KLF17: variants seen among roughly 807,000 people sequenced by gnomAD.
KLF17 encodes KLF transcription factor 17, also known as Krueppel-like factor 17.
Under a neutral mutation model 34.2 loss-of-function variants are expected in KLF17, and 31 were observed. That is an observed-to-expected ratio of 0.91 (90% CI 0.68 to 1.22). The LOEUF is 1.22. KLF17 is among the 50% of genes most tolerant of loss of function. The pLI is 0.00. For missense variants in KLF17, 478 were observed against 505.2 expected (o/e 0.95, Z 0.52); for synonymous variants, 179 against 186.7 (o/e 0.96, Z 0.34).
chr1:44,092,350 A>G, the KLF17 span, among the ~76,000 whole-genome samples: 1 of 152,158 alleles, frequency 6.6e-6, no homozygotes, highest in Non-Finnish European at 1.5e-5. Context: ...TCGTCTCAAA[A>G]AAAACTTGTA....
chr1:44,058,169 C>A, the KLF17 span, among the ~76,000 whole-genome samples: 1 of 152,226 alleles, frequency 6.6e-6, no homozygotes, highest in South Asian at 2.1e-4. Context: ...CTTCACCCCT[C>A]CTGGAGACCT....
chr1:44,100,720 A>G, the KLF17 span, among the ~76,000 whole-genome samples: 1 of 151,992 alleles, frequency 6.6e-6, no homozygotes, highest in Non-Finnish European at 1.5e-5. Flanking sequence ...CAGTGGCGCA[A>G]TCTCCACTCA....
In KLF17 at chr1:44,130,203, G is replaced by C. The variant is rs12739968; in HGVS notation, c.925+7G>C. 4.4e-6 allele frequency: 7 copies of C among 1,601,994 alleles called. 1 individual carries two copies. The highest frequency in any genetic ancestry group is 3.3e-4 in the Middle Eastern group (2 of 5,996). On this transcript the variant is annotated splice_region_variant and intron_variant, in intron 2 of 3. Transcript: ENST00000372299. ...CACCAGCGCAAGCACACAGGTGAAG[G>C]AGGTGTCAGGTGGGGTGGGGATGGA...
At chr1:44,095,050 G>A in the KLF17 span, among the ~76,000 whole-genome samples, 7 of 151,304 alleles carry the variant, frequency 4.6e-5, no homozygotes, top group Non-Finnish European at 8.8e-5. Context: ...ACAGGTGCCT[G>A]CTACCATACC....
chr1:44,080,717 T>TTC, the KLF17 span, among the ~76,000 whole-genome samples: 1 of 145,864 alleles, frequency 6.9e-6, no homozygotes, highest in East Asian at 2.1e-4. Context: ...TATTGAATTT[T>TTC]TTTTTTTTTT....
the KLF17 span, among the ~76,000 whole-genome samples, chr1:44,078,122 G>A: frequency 6.6e-6 from 1 of 152,200 alleles, no homozygotes. Flanking sequence ...TGATCAATCA[G>A]TTCCTTTATG....
the KLF17 span, chr1:44,106,342 T>G: frequency 1.3e-5 from 2 of 152,508 alleles, no homozygotes; most frequent in African/African-American, 4.8e-5. Context: ...CATATCGCTA[T>G]CTTCATTTCT....
chr1:44,127,696 C>T (rs199731734), intron 1 of KLF17, among the ~76,000 whole-genome samples: 1,009 of 36,270 alleles, frequency 0.028, 21 homozygotes, highest in East Asian at 0.062. Flanking sequence ...CTTTCTTTTT[C>T]TTTCTTTCTT....
chr1:44,047,033 A>G, the KLF17 span, among the ~76,000 whole-genome samples: 1 of 151,828 alleles, frequency 6.6e-6, no homozygotes, highest in Non-Finnish European at 1.5e-5. Context: ...TCTCAAAAAA[A>G]AAAAAAAAAA....
the KLF17 span, among the ~76,000 whole-genome samples, chr1:44,100,079 T>TACACACACACACACAC: frequency 1.2e-3 from 160 of 138,624 alleles, no homozygotes; most frequent in Middle Eastern, 3.6e-3. Flanking sequence ...CTACTAAAAA[T>TACACACACACACACAC]ACACACACAC....
the KLF17 span, chr1:44,103,546 TG>T: frequency 7.0e-7 from 1 of 1,429,782 alleles, no homozygotes; most frequent in East Asian, 2.3e-5. Context: ...TGGATACTCC[TG>T]TTCTGCATCC....
the KLF17 span, among the ~76,000 whole-genome samples, chr1:44,078,801 A>G: frequency 6.6e-6 from 1 of 152,068 alleles, no homozygotes; most frequent in Admixed American, 6.6e-5. Context: ...CACCCCCACA[A>G]CAGGTGGTTT....
the KLF17 span, chr1:44,101,634 A>G: frequency 7.2e-5 from 11 of 152,172 alleles, no homozygotes; most frequent in Admixed American, 1.3e-4. Context: ...TTGTCTTTTT[A>G]CTGGTGATGT....
At chr1:44,112,026 C>A in the KLF17 span, among the ~76,000 whole-genome samples, 6 of 152,238 alleles carry the variant, frequency 3.9e-5, no homozygotes, top group Non-Finnish European at 7.3e-5. Flanking sequence ...CCACATTACA[C>A]TTAGCAGATT....
At chr1:44,078,992 G>A in the KLF17 span, among the ~76,000 whole-genome samples, 9,158 of 152,130 alleles carry the variant, frequency 0.06, 318 homozygotes, top group Non-Finnish European at 0.082. Flanking sequence ...GCCCCTCCAT[G>A]TCTTAATTAT....
At chr1:44,100,305 C>T in the KLF17 span, among the ~76,000 whole-genome samples, 2 of 151,004 alleles carry the variant, frequency 1.3e-5, no homozygotes, top group Admixed American at 1.3e-4. Flanking sequence ...CACTGGTGAC[C>T]CATACTGGGT....
At chr1:44,104,709 G>A in the KLF17 span, 2 of 356,342 alleles carry the variant, frequency 5.6e-6, no homozygotes, top group East Asian at 5.9e-5. Flanking sequence ...GAGCGGCATA[G>A]CAGCATTTTT....
At chr1:44,081,293 G>A in the KLF17 span, among the ~76,000 whole-genome samples, 3 of 150,368 alleles carry the variant, frequency 2.0e-5, no homozygotes, top group Non-Finnish European at 4.4e-5. Flanking sequence ...TTTTGTTATT[G>A]TTGGTTCTGT....
At chr1:44,104,310 C>T in the KLF17 span, 1 of 1,578,112 alleles carries the variant, frequency 6.3e-7, no homozygotes, top group Non-Finnish European at 8.6e-7. Flanking sequence ...CTTCTCCTGG[C>T]CCAGAGTCTC....
Sources: gnomAD v4.1 joint callset for allele counts (sites outside exome capture counted in the v4.1 genomes callset) on GRCh38, gnomAD v4.1.1 for gene constraint, MANE v1.5 for transcripts, NCBI Gene and HGNC (gene_info 2026-07-23, HGNC 2026-07-21) for gene names.